GRM1: variants seen among roughly 807,000 people sequenced by gnomAD.
GRM1 encodes metabotropic glutamate receptor 1.
In GRM1, 33 loss-of-function variants were observed where a neutral mutation model predicts 90.9. That is an observed-to-expected ratio of 0.36 (90% CI 0.28 to 0.49). The LOEUF (loss-of-function observed/expected upper bound fraction) is 0.49, where lower values mean the gene tolerates loss of function less well. Among genes scored for constraint, GRM1 ranks in the 20% least tolerant of loss-of-function variants. The pLI, the probability that GRM1 is intolerant of heterozygous loss-of-function variation, is 0.99. For missense variants in GRM1, 1,190 were observed against 1,534.3 expected (o/e 0.78, Z 3.75); for synonymous variants, 700 against 613.2 (o/e 1.14, Z -2.09).
chr6:146,261,075 A>C (rs953636641), intron 2 of GRM1, among the ~76,000 whole-genome samples: 2 of 152,038 alleles, frequency 1.3e-5, no homozygotes, highest in Non-Finnish European at 2.9e-5. Context: ...TTGAAAAAAC[A>C]AGTGGAATCC....
At chr6:146,288,697 G>A (rs1782858363) in intron 2 of GRM1, among the ~76,000 whole-genome samples, 1 of 152,028 alleles carries the variant, frequency 6.6e-6, no homozygotes, top group Non-Finnish European at 1.5e-5. Flanking sequence ...GTAGAGATGG[G>A]GTTTTGCCAT....
chr6:146,062,336 C>A (rs1775701138), intron 1 of GRM1, among the ~76,000 whole-genome samples: 1 of 136,044 alleles, frequency 7.4e-6, no homozygotes, highest in Non-Finnish European at 1.7e-5. Context: ...CACACTAGGG[C>A]CTGTTGGGGG....
At chr6:146,322,105 G>C (rs1784209933) in intron 3 of GRM1, among the ~76,000 whole-genome samples, 1 of 152,144 alleles carries the variant, frequency 6.6e-6, no homozygotes, top group African/African-American at 2.4e-5. Flanking sequence ...TTTTGTTGAT[G>C]TTGATGCTAT....
At chr6:146,304,495 C>A in intron 2 of GRM1, 116 bp from the exon 3 acceptor site, 1 of 792,894 alleles carries the variant, frequency 1.3e-6, no homozygotes, top group Non-Finnish European at 2.2e-6. Flanking sequence ...GGTAGTAATG[C>A]TGGCTTAAAA....
At chr6:146,206,784 C>A (rs556557464) in intron 2 of GRM1, among the ~76,000 whole-genome samples, 1 of 152,060 alleles carries the variant, frequency 6.6e-6, no homozygotes, top group Admixed American at 6.6e-5. Context: ...GTTATCTTTT[C>A]TGCTCCTCTC....
intron 3 of GRM1, among the ~76,000 whole-genome samples, chr6:146,313,439 C>T (rs918409797): frequency 6.6e-6 from 1 of 152,002 alleles, no homozygotes; most frequent in African/African-American, 2.4e-5. Flanking sequence ...AATATTTCAC[C>T]CTGGATGAGT....
At chr6:146,224,328 AAT>A (rs1780167079) in intron 2 of GRM1, among the ~76,000 whole-genome samples, 2 of 152,106 alleles carry the variant, frequency 1.3e-5, no homozygotes, top group Admixed American at 1.3e-4. Flanking sequence ...AATTTCTGAA[AAT>A]ATATCTTAGT....
At chr6:146,401,962 T>C (rs1016604646) in intron 7 of GRM1, among the ~76,000 whole-genome samples, 1 of 152,156 alleles carries the variant, frequency 6.6e-6, no homozygotes, top group African/African-American at 2.4e-5. Context: ...TGCAAGAGAT[T>C]ACCTTCCCAC....
intron 7 of GRM1, among the ~76,000 whole-genome samples, chr6:146,407,096 G>A (rs1777375802): frequency 6.6e-6 from 1 of 152,214 alleles, no homozygotes; most frequent in African/African-American, 2.4e-5. Flanking sequence ...CTTCCTGAAA[G>A]ATGCCACACT....
upstream of GRM1, chr6:146,027,957 G>A (rs972657948): frequency 2.0e-5 from 3 of 152,500 alleles, no homozygotes; most frequent in Middle Eastern, 3.4e-3. Context: ...TCCTCAGGAA[G>A]AGTCGGGACC....
At chr6:146,360,805 A>G (rs1775437383) in intron 5 of GRM1, among the ~76,000 whole-genome samples, 1 of 152,220 alleles carries the variant, frequency 6.6e-6, no homozygotes, top group Admixed American at 6.5e-5. Flanking sequence ...TTAATGGAAG[A>G]TTCAATCCTA....
In GRM1 at chr6:146,306,966, G is replaced by A. The variant is rs144811824; in HGVS notation, c.1186+2120G>A. ...GATATCTGATGGTGGTCCAACTACAGATGTCATTTTGTCATTGTGTTTTAT... is the reference window on the plus strand; with the variant it reads ...GATATCTGATGGTGGTCCAACTACAAATGTCATTTTGTCATTGTGTTTTAT... On this transcript the variant is annotated intron_variant, in intron 3 of 7. Transcript: ENST00000282753. Among the ~76,000 whole-genome samples, 741 of 152,286 alleles carry A rather than the reference G, an allele frequency of 4.9e-3. 7 individuals carry two copies. Among genetic ancestry groups the A allele is most frequent in the African/African-American group, 0.017 (691 of 41,568 alleles).
chr6:146,060,980 T>A (rs1775646784), intron 1 of GRM1, among the ~76,000 whole-genome samples: 1 of 152,110 alleles, frequency 6.6e-6, no homozygotes, highest in African/African-American at 2.4e-5. Flanking sequence ...TGGTTTTGAT[T>A]TGCATTTCTC....
At chr6:146,317,441 C>T (rs1308108112) in intron 3 of GRM1, among the ~76,000 whole-genome samples, 1 of 152,138 alleles carries the variant, frequency 6.6e-6, no homozygotes, top group African/African-American at 2.4e-5. Context: ...ACCCTGGTCA[C>T]AGTTTCTTTG....
chr6:146,088,653 A>G (rs1451503598), intron 1 of GRM1, among the ~76,000 whole-genome samples: 4 of 152,144 alleles, frequency 2.6e-5, no homozygotes, highest in South Asian at 2.1e-4. Context: ...TCCAAACACC[A>G]TGATCTAAAA....
At chr6:146,032,252 A>C (rs1194296291) in intron 1 of GRM1, among the ~76,000 whole-genome samples, 2 of 152,166 alleles carry the variant, frequency 1.3e-5, no homozygotes, top group African/African-American at 4.8e-5. Flanking sequence ...TCCAGACTAC[A>C]TTGTGTTCAC....
At chr6:146,190,801 T>C (rs1257304744) in intron 2 of GRM1, among the ~76,000 whole-genome samples, 3 of 152,186 alleles carry the variant, frequency 2.0e-5, no homozygotes, top group Admixed American at 6.6e-5. Context: ...TAATTGACTT[T>C]CTTGGCTGAG....
At chr6:146,103,337 C>T (rs1254358329) in intron 1 of GRM1, among the ~76,000 whole-genome samples, 2 of 152,102 alleles carry the variant, frequency 1.3e-5, no homozygotes, top group East Asian at 1.9e-4. Context: ...TGTCAGAGCC[C>T]TTCAGGGATT....
Position 146,398,749 on chromosome 6 carries a change from A to C in GRM1, c.1730-20A>C. On this transcript the variant is annotated intron_variant, in intron 6 of 7. Transcript: ENST00000282753. ...AGCAGAAACCTTGGATTCATGCTCA[A>C]ATGATTTTTCTCATCACAGGCTGTG... 6.4e-7 allele frequency: 1 copy of C among 1,561,062 alleles called. No homozygotes were observed. Among genetic ancestry groups the C allele is most frequent in the Non-Finnish European group, 8.8e-7 (1 of 1,131,334 alleles).
Sources: gnomAD v4.1 joint callset for allele counts (sites outside exome capture counted in the v4.1 genomes callset) on GRCh38, gnomAD v4.1.1 for gene constraint, MANE v1.5 for transcripts, NCBI Gene and HGNC (gene_info 2026-07-23, HGNC 2026-07-21) for gene names.